The following RYR1 variants were observed in gnomAD, a reference collection of about 807,000 sequenced individuals.
RYR1 encodes central core disease of muscle.
Under a neutral mutation model 583.5 loss-of-function variants are expected in RYR1, and 342 were observed. The observed-to-expected ratio is 0.59, with a 90% confidence interval of 0.54 to 0.64. RYR1 has a LOEUF of 0.64. RYR1 is among the 30% of genes least tolerant of loss of function. The probability of loss-of-function intolerance (pLI) is 0.00; values close to 1 mark genes in which losing one functional copy is unlikely to be tolerated. For missense variants in RYR1, 6,032 were observed against 6,917.2 expected, an observed-to-expected ratio of 0.87 and a Z score of 4.54; for synonymous variants, 2,791 against 2,822.5, an observed-to-expected ratio of 0.99 and a Z score of 0.35.
Position 38,512,695 on chromosome 19 carries a change from G to C in RYR1, c.9472+212G>C, listed in dbSNP as rs1970786436. Reference sequence around the variant, plus strand: ...AAGACCCTAAGTGGACTGGCGCAGTGACTCACACCTGTAATTCCAGCACTT... The same window carrying C: ...AAGACCCTAAGTGGACTGGCGCAGTCACTCACACCTGTAATTCCAGCACTT... On this transcript the variant is annotated intron_variant, in intron 63 of 105. Transcript: ENST00000359596. The surrounding 1 kb of genome is among the most constrained non-coding windows in gnomAD (Gnocchi z 5.1). Among the ~76,000 whole-genome samples the C allele has an allele frequency of 6.6e-6, 1 of 152,168 alleles. No homozygotes were observed. Among genetic ancestry groups the C allele is most frequent in the Non-Finnish European group, 1.5e-5 (1 of 68,030 alleles).
In RYR1 at chr19:38,469,310, C is replaced by T. The variant is rs868455902; in HGVS notation, c.3562C>T (p.Leu1188=). 3.7e-6 allele frequency: 6 copies of T among 1,613,904 alleles called. No homozygotes were observed. The highest frequency in any genetic ancestry group is 1.1e-5 in the South Asian group (1 of 91,062). The change falls in exon 27 of 106, where the codon CTG becomes TTG. Residue 1188 remains leucine, a synonymous_variant. Transcript: ENST00000359596. ...CATCCATCCCCTCCCACCAGGCTTCCTGCCCGTCTGCAGCTTGGGACCTGG... is the reference window on the plus strand; with the variant it reads ...CATCCATCCCCTCCCACCAGGCTTCTTGCCCGTCTGCAGCTTGGGACCTGG... The part of the protein sequence containing the change: ...FREIEIGDGF[L]PVCSLGPGQV...
intron 65 of RYR1, among the ~76,000 whole-genome samples, chr19:38,516,647 GCAT>G (rs1189448263): frequency 6.6e-6 from 1 of 152,042 alleles, no homozygotes; most frequent in East Asian, 1.9e-4. Flanking sequence ...ACATTTGAGG[GCAT>G]CATCAAGCTT....
At chr19:38,504,704 G>A in intron 50 of RYR1, 44 bp from the exon 51 acceptor site, 5 of 1,596,390 alleles carry the variant, frequency 3.1e-6, no homozygotes, top group Non-Finnish European at 4.3e-6. Flanking sequence ...GGGTCAGTAA[G>A]GCTTATAGCG....
intron 20 of RYR1, 79 bp downstream of exon 20, chr19:38,460,670 A>G: frequency 7.5e-7 from 1 of 1,333,678 alleles, no homozygotes. Context: ...GCCATCGTTC[A>G]TGCCTGTAAT....
rs957902456 is a variant in RYR1 at position 38,580,236 on chromosome 19, G to A, written c.14511+108G>A. 3 of 1,594,534 alleles carry A rather than the reference G, an allele frequency of 1.9e-6. No individual in the cohort carries two copies. The African/African-American group carries it at 4.0e-5, about 21-fold the overall frequency. On this transcript the variant is annotated intron_variant, in intron 100 of 105. Transcript: ENST00000359596. ...CTGGGCTGAGGAGGGGCAAGGCCAG[G>A]TGCGCTGAGCCGGGGGTGTGTGGGG...
intron 90 of RYR1, among the ~76,000 whole-genome samples, chr19:38,562,782 C>T (rs547238718): frequency 1.9e-4 from 29 of 152,338 alleles, no homozygotes; most frequent in Admixed American, 1.9e-3. Flanking sequence ...GTCCACCGTG[C>T]ACACTGAGCC....
chr19:38,510,434 C>A, intron 58 of RYR1, 64 bp from the exon 59 acceptor site: 1 of 1,544,964 alleles, frequency 6.5e-7, no homozygotes, highest in South Asian at 1.1e-5. Context: ...GCATCCTTCC[C>A]ATCAGAACAC....
At chr19:38,442,561 T>C in intron 3 of RYR1, 108 bp downstream of exon 3, 1 of 749,340 alleles carries the variant, frequency 1.3e-6, no homozygotes, top group Non-Finnish European at 2.4e-6. Flanking sequence ...GGGGGTCGCT[T>C]ACCATCTGCT....
chr19:38,503,090 A>T, intron 49 of RYR1, 120 bp downstream of exon 49: 2 of 902,742 alleles, frequency 2.2e-6, no homozygotes, highest in Non-Finnish European at 3.5e-6. Context: ...TGCACTAGTT[A>T]GGGCAGCGTC....
At chr19:38,454,092 A>AG (rs1300994329) in intron 13 of RYR1, among the ~76,000 whole-genome samples, 4 of 152,124 alleles carry the variant, frequency 2.6e-5, no homozygotes, top group African/African-American at 4.8e-5. Flanking sequence ...GCTGGAGTGC[A>AG]GTGGTGTGAT....
rs116073590 is a variant in RYR1, at chr19:38,461,369, G to A, written c.2577+778G>A. ...AAGCTGGGAACCTCGTTGTTTAACA[G>A]ATGGAGAAACTGAGCACAGAGAGGC... On this transcript the variant is annotated intron_variant, in intron 20 of 105. Transcript: ENST00000359596. Among the ~76,000 whole-genome samples, 602 of 152,254 alleles carry A rather than the reference G, an allele frequency of 4.0e-3. 3 individuals are homozygous for A. The highest frequency in any genetic ancestry group is 0.014 in the African/African-American group (579 of 41,536).
At chr19:38,539,892 CCAATTTAAATTAACACAATTTAATTTAA>C (rs140823211) in intron 84 of RYR1, among the ~76,000 whole-genome samples, 9,528 of 151,858 alleles carry the variant, frequency 0.063, 429 homozygotes, top group South Asian at 0.22. Flanking sequence ...TGCATATAGC[CCAATTTAAATTAACACAATTTAATTTAA>C]CAATTTAAAT....
chr19:38,528,409 A>C lies in RYR1; in HGVS notation c.10928A>C (p.Asn3643Thr). The C allele has an allele frequency of 6.2e-7, 1 of 1,614,026 alleles. No homozygotes were observed. The highest frequency in any genetic ancestry group is 8.5e-7 in the Non-Finnish European group (1 of 1,179,990). The stretch of plus-strand genomic sequence containing the variant: ...TGTTTCCGTATGACGCCCCTGTACA[A>C]CCTGCCCACGTAAGGCCCCCAGGGA... ...VACFRMTPLYNLPTHRACNMF... is the reference protein window; with the variant it reads ...VACFRMTPLYTLPTHRACNMF... Residue 3643 changes from asparagine (N) to threonine (T), a missense_variant, in exon 74 of 106, where the codon AAC (asparagine) becomes ACC (threonine). Transcript: ENST00000359596.
At position 38,565,536 on chromosome 19, in the gene RYR1, G is replaced by T; in HGVS notation, c.13202G>T (p.Gly4401Val). The change falls in exon 91 of 106, where the codon GGA becomes GTA. Residue 4401 changes from glycine to valine, a missense_variant. Transcript: ENST00000359596. This position sits in a 1 kb window ranked among gnomAD's most constrained non-coding sequence, Gnocchi z 4.7. ...VHGEQPAGPG[G>V]DADGEGASEG... ...GGCGAGCAGCCGGCCGGGCCGGGCG[G>T]AGACGCAGACGGCGAGGGTGCCAGC... The T allele has an allele frequency of 6.7e-7, 1 of 1,502,492 alleles. No homozygotes were observed. Among genetic ancestry groups the T allele is most frequent in the Non-Finnish European group, 8.8e-7 (1 of 1,133,104 alleles). The allele number at this position is 1,502,492 out of a possible 1,614,324, so 93.1% of individuals were successfully genotyped here.
chr19:38,552,951 C>T (rs558590243), intron 89 of RYR1, among the ~76,000 whole-genome samples: 1 of 152,258 alleles, frequency 6.6e-6, no homozygotes, highest in South Asian at 2.1e-4. Context: ...TTTTACAGCT[C>T]AACATCTGTT....
In RYR1 at chr19:38,494,437, G is replaced by A; in HGVS notation, c.6360G>A (p.Met2120Ile). 6.2e-7 allele frequency: 1 copy of A among 1,612,490 alleles called. No homozygotes were observed. ...FVQSPELVRA[M>I]FSLLHRQYDG... ...AGAGCCCCGAGCTGGTGCGGGCCAT[G>A]TTCAGCCTCCTGCACCGGCAGTACG... Residue 2120 changes from methionine (M) to isoleucine (I), a missense_variant, in exon 39 of 106, where the codon ATG (methionine) becomes ATA (isoleucine). Met to Ile is a conservative substitution (Grantham distance 10). Transcript: ENST00000359596.
intron 72 of RYR1, 28 bp from the exon 73 acceptor site, chr19:38,527,619 G>C (rs751935048): frequency 6.2e-7 from 1 of 1,613,372 alleles, no homozygotes; most frequent in Non-Finnish European, 8.5e-7. Context: ...GGTCCCTCAC[G>C]CCGGCCACTC....
intron 23 of RYR1, 146 bp from the exon 24 acceptor site, chr19:38,465,945 C>A: frequency 1.2e-6 from 1 of 829,724 alleles, no homozygotes; most frequent in Non-Finnish European, 1.9e-6. Flanking sequence ...AAAACTTATT[C>A]TAAAATTTCA....
intron 28 of RYR1, among the ~76,000 whole-genome samples, chr19:38,473,982 T>G (rs984442857): frequency 3.9e-5 from 6 of 152,170 alleles, no homozygotes; most frequent in Admixed American, 3.3e-4. Context: ...TATAATTGGG[T>G]ACCCTAGTAT....
Sources: gnomAD v4.1 joint callset for allele counts (sites outside exome capture counted in the v4.1 genomes callset) on GRCh38, gnomAD v4.1.1 for gene constraint, Gnocchi (gnomAD v3.1) non-coding constraint, MANE v1.5 for transcripts, NCBI Gene and HGNC (gene_info 2026-07-23, HGNC 2026-07-21) for gene names.